Variants in KLHL2 observed in about 807,000 individuals in gnomAD.
KLHL2 encodes the protein kelch like family member 2.
A neutral mutation model predicts 75.8 loss-of-function variants in KLHL2; 15 were observed. The ratio of observed to expected loss-of-function variants is 0.20; its 90% CI spans 0.13 to 0.30. KLHL2 has a LOEUF of 0.30. KLHL2 is among the 10% of genes least tolerant of loss of function. The pLI is 1.00. For missense variants in KLHL2, 381 were observed against 741.0 expected, an observed-to-expected ratio of 0.51 and a Z score of 5.64; for synonymous variants, 214 against 251.9, an observed-to-expected ratio of 0.85 and a Z score of 1.42.
At chr4:165,312,392 A>G (rs1482584474) in intron 11 of KLHL2, among the ~76,000 whole-genome samples, 3 of 151,866 alleles carry the variant, frequency 2.0e-5, no homozygotes, top group Non-Finnish European at 4.4e-5. Context: ...GTCTCCCAAC[A>G]GAAGTTAAGG....
intron 2 of KLHL2, among the ~76,000 whole-genome samples, chr4:165,226,686 A>G (rs1560984439): frequency 2.0e-5 from 3 of 152,186 alleles, no homozygotes; most frequent in Non-Finnish European, 4.4e-5. Flanking sequence ...TATTAGCTAT[A>G]TATAGAACTT....
At chr4:165,232,058 G>A (rs1159625077) in intron 3 of KLHL2, among the ~76,000 whole-genome samples, 1 of 151,918 alleles carries the variant, frequency 6.6e-6, no homozygotes, top group African/African-American at 2.4e-5. Flanking sequence ...AAACTTTTAT[G>A]GTTTTTCAGC....
intron 1 of KLHL2, among the ~76,000 whole-genome samples, chr4:165,215,833 T>A (rs557210856): frequency 6.6e-6 from 1 of 152,256 alleles, no homozygotes; most frequent in African/African-American, 2.4e-5. Flanking sequence ...TGACTTTTGT[T>A]ATTATTATTA....
intron 5 of KLHL2, among the ~76,000 whole-genome samples, chr4:165,292,738 T>G (rs1187752865): frequency 1.3e-5 from 2 of 152,228 alleles, no homozygotes; most frequent in Non-Finnish European, 2.9e-5. Flanking sequence ...TATGGTATGT[T>G]GAAATACATA....
At chr4:165,257,071 A>G (rs1345157805) in intron 4 of KLHL2, among the ~76,000 whole-genome samples, 2 of 152,254 alleles carry the variant, frequency 1.3e-5, no homozygotes, top group Admixed American at 1.3e-4. Flanking sequence ...TATAATTTAA[A>G]CAGCACTATA....
chr4:165,282,266 G>A (rs1440518191), intron 5 of KLHL2, among the ~76,000 whole-genome samples: 2 of 152,190 alleles, frequency 1.3e-5, no homozygotes, highest in Non-Finnish European at 2.9e-5. Context: ...TACAGCAAGT[G>A]TGCAGTAACT....
At chr4:165,298,438 A>G (rs1433781566) in intron 7 of KLHL2, among the ~76,000 whole-genome samples, 1 of 152,212 alleles carries the variant, frequency 6.6e-6, no homozygotes, top group Non-Finnish European at 1.5e-5. Context: ...ATAAATGTGA[A>G]AAATGATTCT....
chr4:165,217,617 A>ACGGG (rs951295869), intron 1 of KLHL2, among the ~76,000 whole-genome samples: 1 of 152,156 alleles, frequency 6.6e-6, no homozygotes, highest in Non-Finnish European at 1.5e-5. Context: ...ACTGATGTGC[A>ACGGG]CTTGTAGTAG....
chr4:165,228,043 G>T (rs1403228249), intron 2 of KLHL2, among the ~76,000 whole-genome samples: 2 of 152,140 alleles, frequency 1.3e-5, no homozygotes, highest in Non-Finnish European at 2.9e-5. Context: ...GATCATAGGT[G>T]TGGTCTACCA....
intron 7 of KLHL2, 71 bp downstream of exon 7, chr4:165,297,796 A>G: frequency 2.2e-6 from 2 of 915,740 alleles, no homozygotes; most frequent in Non-Finnish European, 3.7e-6. Flanking sequence ...GTAGATCCCT[A>G]TCAAGCAGTG....
rs953389689 is a variant in KLHL2 at position 165,322,320 on chromosome 4, T to C, written c.*260T>C. On this transcript the variant is annotated 3_prime_UTR_variant, in exon 15 of 15. Coordinates refer to ENST00000226725, the MANE Select transcript of KLHL2 (RefSeq NM_007246.4). ...ACTGCAGGACTTAATCTGTAGTCTT[T>C]AGACAACAGTTGCTTTCATAAAGAC... is the stretch of plus-strand genomic sequence containing the variant. 1.9e-5 allele frequency: 8 copies of C among 421,178 alleles called. No individual in the cohort carries two copies. The highest frequency in any genetic ancestry group is 1.2e-4 in the African/African-American group (6 of 49,450). 26.1% of individuals were successfully genotyped at this position (421,178 alleles called of 1,614,324 possible).
chr4:165,253,774 A>G (rs1468699730), intron 4 of KLHL2, among the ~76,000 whole-genome samples: 5 of 152,374 alleles, frequency 3.3e-5, no homozygotes, highest in Admixed American at 1.3e-4. Flanking sequence ...AAATAGAATC[A>G]TACAGAATGT....
At chr4:165,309,471 C>G (rs1745987389) in intron 9 of KLHL2, among the ~76,000 whole-genome samples, 1 of 152,186 alleles carries the variant, frequency 6.6e-6, no homozygotes, top group Admixed American at 6.5e-5. Context: ...CGTAATATCT[C>G]TTTAGCCCAA....
chr4:165,243,786 A>T (rs1417756079), intron 4 of KLHL2, among the ~76,000 whole-genome samples: 1 of 152,208 alleles, frequency 6.6e-6, no homozygotes, highest in East Asian at 1.9e-4. Context: ...CGGAAGGAGG[A>T]CATCACATGG....
rs1560837737 is a variant in KLHL2, at chr4:165,319,643, C to T, written c.1753+1674C>T. Among the ~76,000 whole-genome samples the T allele has an allele frequency of 1.3e-5, 2 of 152,082 alleles. No homozygotes were observed. Among genetic ancestry groups the T allele is most frequent in the African/African-American group, 4.8e-5 (2 of 41,408 alleles). Reference sequence around the variant, plus strand: ...GGGTGCAGGATTTTTGTTTTTGAGACAGAATCTCACTCTTGTCGCCCAGGC... The same window carrying T: ...GGGTGCAGGATTTTTGTTTTTGAGATAGAATCTCACTCTTGTCGCCCAGGC... On this transcript the variant is annotated intron_variant, in intron 14 of 14. Coordinates refer to ENST00000226725, the MANE Select transcript of KLHL2 (RefSeq NM_007246.4). This position sits in a 1 kb window ranked among gnomAD's most constrained non-coding sequence, Gnocchi z 4.5.
At chr4:165,233,256 C>A (rs191918248) in intron 3 of KLHL2, among the ~76,000 whole-genome samples, 102 of 152,294 alleles carry the variant, frequency 6.7e-4, no homozygotes, top group African/African-American at 2.3e-3. Flanking sequence ...TAGAGCAAGG[C>A]CAAGTTGTTT....
intron 5 of KLHL2, among the ~76,000 whole-genome samples, chr4:165,273,224 C>T (rs1315251894): frequency 6.6e-6 from 1 of 151,988 alleles, no homozygotes; most frequent in Non-Finnish European, 1.5e-5. Flanking sequence ...TAGAAAAGTA[C>T]ACAAATCATG....
chr4:165,284,078 CT>C (rs1743900961), intron 5 of KLHL2, among the ~76,000 whole-genome samples: 1 of 152,178 alleles, frequency 6.6e-6, no homozygotes, highest in African/African-American at 2.4e-5. Context: ...TATGAAACCA[CT>C]TTTTCCTCCT....
chr4:165,224,902 G>A (rs1265093270), intron 2 of KLHL2, among the ~76,000 whole-genome samples: 2 of 151,982 alleles, frequency 1.3e-5, no homozygotes, highest in Non-Finnish European at 2.9e-5. Flanking sequence ...AATTATTATT[G>A]ACTACAGTCA....
Sources: allele counts gnomAD v4.1 joint callset (sites outside exome capture counted in the v4.1 genomes callset), GRCh38; gene constraint gnomAD v4.1.1; non-coding constraint Gnocchi (gnomAD v3.1); transcripts MANE v1.5; gene names NCBI Gene and HGNC (gene_info 2026-07-23, HGNC 2026-07-21).